IGFL4: variants seen among roughly 807,000 people sequenced by gnomAD.
The protein encoded by IGFL4 is insulin growth factor-like family member 4.
In IGFL4, 12 loss-of-function variants were observed where a neutral mutation model predicts 15.4. That is an observed-to-expected ratio of 0.78 (90% CI 0.50 to 1.26). The LOEUF is 1.26. Among genes scored for constraint, IGFL4 ranks in the 50% most tolerant of loss-of-function variants. The pLI, the probability that IGFL4 is intolerant of heterozygous loss-of-function variation, is 0.00. For synonymous variants in IGFL4, 54 were observed against 55.9 expected, an observed-to-expected ratio of 0.97 and a Z score of 0.16; for missense variants, 126 against 147.8, an observed-to-expected ratio of 0.85 and a Z score of 0.76.
chr19:46,054,061 A>G (rs1206294160), intron 2 of IGFL4, among the ~76,000 whole-genome samples: 2 of 152,120 alleles, frequency 1.3e-5, no homozygotes, highest in Non-Finnish European at 2.9e-5. Context: ...CTTCCATTCT[A>G]TAAGTCATGT....
chr19:46,070,645 A>G (rs1373102848), intron 1 of IGFL4, among the ~76,000 whole-genome samples: 1 of 150,698 alleles, frequency 6.6e-6, no homozygotes, highest in Non-Finnish European at 1.5e-5. Flanking sequence ...CAGATATTTA[A>G]AGGAGAAGCA....
chr19:46,050,826 G>A lies in IGFL4; in HGVS notation c.-323+9359C>T, dbSNP rs893913021. On this transcript the variant is annotated intron_variant, in intron 2 of 5. Transcript: ENST00000601672. ...ATACAAGAAGCTCAACGGACACCTG[G>A]GAAACTCATCACAAAAAGATCATCA... 2.6e-5 allele frequency among the ~76,000 whole-genome samples: 4 copies of A among 152,060 alleles called. No individual in the cohort carries two copies. In the South Asian group the frequency reaches 8.3e-4, roughly 32 times the overall value.
At chr19:46,049,271 A>G (rs574642914) in intron 2 of IGFL4, among the ~76,000 whole-genome samples, 72 of 152,288 alleles carry the variant, frequency 4.7e-4, no homozygotes, top group South Asian at 8.3e-4. Flanking sequence ...GAATCCAGAG[A>G]CCCTTTAAAG....
At chr19:46,064,624 C>T (rs937210858) in intron 1 of IGFL4, among the ~76,000 whole-genome samples, 1 of 152,138 alleles carries the variant, frequency 6.6e-6, no homozygotes, top group African/African-American at 2.4e-5. Flanking sequence ...ACCGCCAGTT[C>T]TATCCATGTT....
chr19:46,040,423 G>T lies in IGFL4; in HGVS notation c.71-7C>A, dbSNP rs201793858. 7.3e-4 allele frequency: 1,173 copies of T among 1,613,784 alleles called. 2 individuals are homozygous for T. The highest frequency in any genetic ancestry group is 3.0e-3 in the Middle Eastern group (18 of 6,082). Reference sequence around the variant, plus strand: ...CATAGCCACAGTCTAAGATCTGGAAGAGTCGGGGCTGGATGGGCTGCAAGG... The same window carrying T: ...CATAGCCACAGTCTAAGATCTGGAATAGTCGGGGCTGGATGGGCTGCAAGG... On this transcript the variant is annotated splice_region_variant and splice_polypyrimidine_tract_variant and intron_variant, in intron 2 of 3. Coordinates refer to ENST00000377697, the MANE Select transcript of IGFL4 (RefSeq NM_001002923.3). This position sits in a 1 kb window ranked among gnomAD's most constrained non-coding sequence, Gnocchi z 4.1.
intron 2 of IGFL4, among the ~76,000 whole-genome samples, chr19:46,050,621 G>C (rs1176615146): frequency 6.6e-6 from 1 of 152,056 alleles, no homozygotes; most frequent in Non-Finnish European, 1.5e-5. Flanking sequence ...CAGAGACAAA[G>C]AAAAAAGAAT....
At chr19:46,074,697 G>C (rs1969578816) in intron 1 of IGFL4, among the ~76,000 whole-genome samples, 1 of 152,192 alleles carries the variant, frequency 6.6e-6, no homozygotes, top group South Asian at 2.1e-4. Context: ...TTCTAGCCAA[G>C]CTGGCAGCTG....
chr19:46,066,046 C>T (rs996140795), intron 1 of IGFL4, among the ~76,000 whole-genome samples: 8 of 152,174 alleles, frequency 5.3e-5, no homozygotes, highest in Non-Finnish European at 8.8e-5. Flanking sequence ...GAACTTAGCT[C>T]AGCATGGCCC....
intron 2 of IGFL4, among the ~76,000 whole-genome samples, chr19:46,056,508 T>C (rs1267165638): frequency 1.3e-5 from 2 of 152,186 alleles, no homozygotes; most frequent in Non-Finnish European, 2.9e-5. Context: ...TCGCTCCCTA[T>C]GTATCCAGGG....
rs544226009 is a variant in IGFL4 at position 46,076,846 on chromosome 19, C to A, written c.-432+174G>T. On this transcript the variant is annotated intron_variant, in intron 1 of 5. Transcript: ENST00000601672. ...TGGCTGCCCGGCACTTCTACCTATG[C>A]GTCTTCCCTGTTCACTGACCTAGCT... Among the ~76,000 whole-genome samples the A allele has an allele frequency of 1.7e-4, 26 of 152,238 alleles. 1 individual carries two copies. The South Asian group carries it at 5.4e-3, about 32-fold the overall frequency.
At chr19:46,071,829 A>C (rs558877567) in intron 1 of IGFL4, among the ~76,000 whole-genome samples, 61 of 152,224 alleles carry the variant, frequency 4.0e-4, no homozygotes, top group African/African-American at 1.2e-3. Flanking sequence ...GAGACCAGCA[A>C]CTCCTGGGCA....
chr19:46,053,547 A>G (rs747313360), intron 2 of IGFL4, among the ~76,000 whole-genome samples: 1 of 152,110 alleles, frequency 6.6e-6, no homozygotes, highest in Non-Finnish European at 1.5e-5. Flanking sequence ...TTGATTCCAT[A>G]TCTTGGTTAT....
intron 2 of IGFL4, among the ~76,000 whole-genome samples, chr19:46,050,764 A>G (rs185679479): frequency 9.2e-5 from 14 of 152,348 alleles, no homozygotes; most frequent in Non-Finnish European, 1.0e-4. Context: ...TAATTGAGAA[A>G]AACTTCCCTG....
intron 1 of IGFL4, among the ~76,000 whole-genome samples, chr19:46,062,415 G>T (rs1367006802): frequency 6.6e-6 from 1 of 152,220 alleles, no homozygotes; most frequent in Non-Finnish European, 1.5e-5. Flanking sequence ...GCACTGAGCA[G>T]TTTCTGCTGC....
chr19:46,040,819 C>T lies in IGFL4; in HGVS notation c.19+125G>A, dbSNP rs1194696632. 2 of 979,234 alleles carry T rather than the reference C, an allele frequency of 2.0e-6. No homozygotes were observed. The highest frequency in any genetic ancestry group is 5.2e-5 in the East Asian group (2 of 38,356). The allele number at this position is 979,234 out of a possible 1,614,324, so 60.7% of individuals were successfully genotyped here. A position where few individuals can be genotyped will look rare whatever the true frequency, so the allele number is the denominator to read the frequency against. ...TACAATGCAGTCACAGATGACATAG[C>T]AGTGATTATGAGGTGGGACACCAAT... On this transcript the variant is annotated intron_variant, in intron 1 of 3. Transcript: ENST00000377697. This position sits in a 1 kb window ranked among gnomAD's most constrained non-coding sequence, Gnocchi z 4.1.
At chr19:46,043,766 A>G (rs1317126967), upstream of IGFL4, among the ~76,000 whole-genome samples, 2 of 152,226 alleles carry the variant, frequency 1.3e-5, no homozygotes, top group African/African-American at 2.4e-5. Context: ...ACCAAAGCTT[A>G]CACTTCCTAC....
At chr19:46,063,505 C>T (rs1368276966) in intron 1 of IGFL4, among the ~76,000 whole-genome samples, 1 of 152,126 alleles carries the variant, frequency 6.6e-6, no homozygotes, top group Non-Finnish European at 1.5e-5. Context: ...CTTTACTTTC[C>T]CTACATGCAC....
chr19:46,065,884 C>CTG (rs1969490040), intron 1 of IGFL4, among the ~76,000 whole-genome samples: 2 of 152,276 alleles, frequency 1.3e-5, no homozygotes, highest in East Asian at 3.9e-4. Context: ...ATGGAAGCAG[C>CTG]CAGGAACCAG....
At chr19:46,043,305 A>C (rs1969264454), upstream of IGFL4, among the ~76,000 whole-genome samples, 1 of 152,192 alleles carries the variant, frequency 6.6e-6, no homozygotes, top group African/African-American at 2.4e-5. Flanking sequence ...GGAAAACCTA[A>C]ATATAGAGTG....
Sources: gnomAD v4.1 joint callset for allele counts (sites outside exome capture counted in the v4.1 genomes callset) on GRCh38, gnomAD v4.1.1 for gene constraint, Gnocchi (gnomAD v3.1) non-coding constraint, MANE v1.5 for transcripts, NCBI Gene and HGNC (gene_info 2026-07-23, HGNC 2026-07-21) for gene names.